Variants in ADGRV1 observed in about 807,000 individuals in gnomAD.
ADGRV1 encodes the protein G-protein coupled receptor 98.
In ADGRV1, 359 loss-of-function variants were observed where a neutral mutation model predicts 596.2. The ratio of observed to expected loss-of-function variants is 0.60; its 90% CI spans 0.55 to 0.66. The LOEUF (loss-of-function observed/expected upper bound fraction) is 0.66. ADGRV1 is among the 30% of genes least tolerant of loss of function. The pLI is 0.00. For missense variants in ADGRV1, 7,274 were observed against 7,575.6 expected (o/e 0.96, Z 1.48); for synonymous variants, 2,681 against 2,679.2 (o/e 1.00, Z -0.02).
At chr5:90,712,546 A>G in intron 42 of ADGRV1, 118 bp downstream of exon 42, 2 of 773,230 alleles carry the variant, frequency 2.6e-6, no homozygotes, top group South Asian at 4.1e-5. Flanking sequence ...AATGAGAATG[A>G]TTTTAAGTTA....
chr5:90,802,812 G>A lies in ADGRV1; in HGVS notation c.14591G>A (p.Gly4864Glu). 6.2e-7 allele frequency: 1 copy of A among 1,612,522 alleles called. No individual in the cohort carries two copies. Among genetic ancestry groups the A allele is most frequent in the East Asian group, 2.2e-5 (1 of 44,856 alleles). The change falls in exon 71 of 90, where the codon GGA becomes GAA. Residue 4864 changes from glycine (G) to glutamate (E), a missense_variant. Physicochemically the swap from Gly to Glu is moderately conservative, Grantham distance 98 (BLOSUM62 -2). Coordinates refer to ENST00000405460, the MANE Select transcript of ADGRV1 (RefSeq NM_032119.4). ...ATGCTTGTCGGTGGACGTTTCTATG[G>A]AATGCCAACAATTCTTCAGGAAGCA... ...TVMLVGGRFY[G>E]MPTILQEAKS...
intron 70 of ADGRV1, among the ~76,000 whole-genome samples, chr5:90,795,298 C>T (rs992601089): frequency 1.8e-4 from 27 of 152,150 alleles, no homozygotes; most frequent in Non-Finnish European, 3.4e-4. Context: ...TGACCTGGGA[C>T]GCTCCAGCTT....
At chr5:90,908,360 C>T (rs1254349560) in intron 83 of ADGRV1, among the ~76,000 whole-genome samples, 1 of 152,042 alleles carries the variant, frequency 6.6e-6, no homozygotes, top group Non-Finnish European at 1.5e-5. Context: ...AGCATTTATC[C>T]TTTGTGTTTC....
chr5:90,963,829 AGTT>A (rs1778229688), intron 83 of ADGRV1, among the ~76,000 whole-genome samples: 1 of 150,968 alleles, frequency 6.6e-6, no homozygotes, highest in African/African-American at 2.4e-5. Flanking sequence ...CTTAATGAAT[AGTT>A]TCCAAGAAGA....
At chr5:90,925,319 T>G (rs1303397605) in intron 83 of ADGRV1, among the ~76,000 whole-genome samples, 2 of 151,016 alleles carry the variant, frequency 1.3e-5, no homozygotes, top group Non-Finnish European at 3.0e-5. Context: ...AGCAGTGGTT[T>G]GTAGTTCTCC....
chr5:90,924,424 G>C (rs1447048760), intron 83 of ADGRV1, among the ~76,000 whole-genome samples: 1 of 151,652 alleles, frequency 6.6e-6, no homozygotes, highest in African/African-American at 2.4e-5. Context: ...CTGCATAAAT[G>C]TCTTCTTTTG....
chr5:90,565,114 G>A (rs1026009611), intron 1 of ADGRV1, among the ~76,000 whole-genome samples: 1 of 152,084 alleles, frequency 6.6e-6, no homozygotes, highest in Non-Finnish European at 1.5e-5. Context: ...GCGGGCGCCT[G>A]TATTGCCAAC....
At chr5:90,914,978 T>A (rs2150709036) in intron 83 of ADGRV1, among the ~76,000 whole-genome samples, 1 of 152,286 alleles carries the variant, frequency 6.6e-6, no homozygotes, top group South Asian at 2.1e-4. Context: ...GTGATGTAAC[T>A]TTTTTTCTTC....
chr5:91,038,058 A>G (rs1785048867), intron 85 of ADGRV1, among the ~76,000 whole-genome samples: 1 of 152,234 alleles, frequency 6.6e-6, no homozygotes, highest in Non-Finnish European at 1.5e-5. Context: ...GTATGCAGAT[A>G]TTCCAAAATC....
chr5:91,065,765 G>C (rs1787831126), intron 85 of ADGRV1, among the ~76,000 whole-genome samples: 1 of 152,194 alleles, frequency 6.6e-6, no homozygotes, highest in South Asian at 2.1e-4. Context: ...AAATTAGAAA[G>C]TGAGTTAAAG....
At chr5:90,576,982 A>C (rs192257526) in intron 1 of ADGRV1, among the ~76,000 whole-genome samples, 114 of 151,314 alleles carry the variant, frequency 7.5e-4, no homozygotes, top group African/African-American at 2.7e-3. Flanking sequence ...TTTTCTTGTG[A>C]ATTTGTTTAA....
intron 50 of ADGRV1, among the ~76,000 whole-genome samples, chr5:90,732,416 A>G (rs77790157): frequency 0.026 from 4,007 of 152,308 alleles, 153 homozygotes; most frequent in African/African-American, 0.091. Context: ...TATTTCCTCA[A>G]TTGAGCTAAT....
intron 76 of ADGRV1, among the ~76,000 whole-genome samples, chr5:90,828,108 T>G (rs553713278): frequency 5.1e-4 from 78 of 152,266 alleles, no homozygotes; most frequent in South Asian, 3.1e-3. Flanking sequence ...GTTATAAAAT[T>G]GAATTCAGGC....
chr5:90,662,082 G>T (rs142243206), intron 21 of ADGRV1, among the ~76,000 whole-genome samples: 1 of 151,628 alleles, frequency 6.6e-6, no homozygotes, highest in Non-Finnish European at 1.5e-5. Context: ...TTCATATATA[G>T]AGTATACACA....
chr5:91,126,035 A>G (rs1423891303), intron 87 of ADGRV1, among the ~76,000 whole-genome samples: 1 of 151,978 alleles, frequency 6.6e-6, no homozygotes, highest in Non-Finnish European at 1.5e-5. Flanking sequence ...TTCTGATGCA[A>G]CCCCCACCTC....
intron 86 of ADGRV1, among the ~76,000 whole-genome samples, chr5:91,093,629 AGAGATAC>A (rs1377477032): frequency 1.3e-5 from 2 of 152,190 alleles, no homozygotes; most frequent in African/African-American, 4.8e-5. Flanking sequence ...GTAATGACAA[AGAGATAC>A]AGGCATGAAG....
chr5:90,686,704 A>G (rs550370593), intron 29 of ADGRV1, among the ~76,000 whole-genome samples: 1 of 152,286 alleles, frequency 6.6e-6, no homozygotes, highest in South Asian at 2.1e-4. Flanking sequence ...TAGCTGCATG[A>G]TTTATAGTCC....
At chr5:90,926,236 A>T (rs1374275176) in intron 83 of ADGRV1, among the ~76,000 whole-genome samples, 1 of 152,100 alleles carries the variant, frequency 6.6e-6, no homozygotes, top group Non-Finnish European at 1.5e-5. Flanking sequence ...CCTCTGGTAG[A>T]ATTCGTCTGT....
intron 89 of ADGRV1, among the ~76,000 whole-genome samples, chr5:91,159,711 T>A (rs547282165): frequency 1.3e-5 from 2 of 152,146 alleles, no homozygotes; most frequent in Admixed American, 6.5e-5. Context: ...TTTTTTTTTT[T>A]ATTTTAAATA....
Sources: allele counts gnomAD v4.1 joint callset (sites outside exome capture counted in the v4.1 genomes callset), GRCh38; gene constraint gnomAD v4.1.1; transcripts MANE v1.5; gene names NCBI Gene and HGNC (gene_info 2026-07-23, HGNC 2026-07-21).